Variants in TRIM41 observed in about 807,000 individuals in gnomAD.
The protein encoded by TRIM41 is E3 ubiquitin-protein ligase TRIM41.
A neutral mutation model predicts 60.6 loss-of-function variants in TRIM41; 21 were observed. That is an observed-to-expected ratio of 0.35 (90% CI 0.25 to 0.50). TRIM41 has a LOEUF of 0.50. Ranked by LOEUF, TRIM41 falls within the 20% of genes least tolerant of loss-of-function variation. The pLI is 0.98. For missense variants in TRIM41, 846 were observed against 868.3 expected, an observed-to-expected ratio of 0.97 and a Z score of 0.32; for synonymous variants, 407 against 344.9, an observed-to-expected ratio of 1.18 and a Z score of -2.00.
At position 181,235,542 on chromosome 5, in the gene TRIM41, C is replaced by A; in HGVS notation, c.*767C>A. ...CACCCCTCCCAGGTCTGCTCACTGCCAGGCTCCTCTCCCCTTTGTTCAGTG... is the reference window on the plus strand; with the variant it reads ...CACCCCTCCCAGGTCTGCTCACTGCAAGGCTCCTCTCCCCTTTGTTCAGTG... On this transcript the variant is annotated 3_prime_UTR_variant, in exon 6 of 6. Coordinates refer to ENST00000315073, the MANE Select transcript of TRIM41 (RefSeq NM_033549.5). 2.9e-6 allele frequency: 3 copies of A among 1,045,120 alleles called. No homozygotes were observed. Among genetic ancestry groups the A allele is most frequent in the Non-Finnish European group, 4.2e-6 (3 of 711,378 alleles). 64.7% of individuals were successfully genotyped at this position (1,045,120 alleles called of 1,614,324 possible). A position where few individuals can be genotyped will look rare whatever the true frequency, so the allele number is the denominator to read the frequency against.
chr5:181,224,657 C>T lies in TRIM41; in HGVS notation c.658C>T (p.Arg220Cys), dbSNP rs369184821. 3 of 1,614,218 alleles carry T rather than the reference C, an allele frequency of 1.9e-6. No individual in the cohort carries two copies. The highest frequency in any genetic ancestry group is 1.1e-5 in the South Asian group (1 of 91,082). The change falls in exon 1 of 6, where the codon CGC (arginine) becomes TGC (cysteine). Residue 220 changes from arginine to cysteine, a missense_variant. By Grantham distance (180) the Arg-to-Cys change is radical. Coordinates refer to ENST00000315073, the MANE Select transcript of TRIM41 (RefSeq NM_033549.5). ...QMHPTPGRGSRVTDQGICPKH... is the reference protein window; with the variant it reads ...QMHPTPGRGSCVTDQGICPKH... ...GCACCCAACCCCTGGTCGAGGGAGC[C>T]GCGTGACCGATCAGGGCATCTGTCC...
chr5:181,224,492 C>G lies in TRIM41; in HGVS notation c.493C>G (p.Leu165Val), dbSNP rs1561666858. The change falls in exon 1 of 6, where the codon CTA becomes GTA. Residue 165 changes from leucine (L) to valine (V), a missense_variant. Coordinates refer to ENST00000315073, the MANE Select transcript of TRIM41 (RefSeq NM_033549.5). Reference sequence around the variant, plus strand: ...GCTGGAGGAGGTTGAGGAAGAGGATCTAGACCCCGTCACCCCACTGCCCCC... The same window carrying G: ...GCTGGAGGAGGTTGAGGAAGAGGATGTAGACCCCGTCACCCCACTGCCCCC... ...EVLEEVEEED[L>V]DPVTPLPPPP... The G allele has an allele frequency of 1.2e-6, 2 of 1,613,042 alleles. No individual in the cohort carries two copies. Among genetic ancestry groups the G allele is most frequent in the African/African-American group, 1.3e-5 (1 of 75,006 alleles).
At position 181,223,672 on chromosome 5, in the gene TRIM41, TA is replaced by T; in HGVS notation, c.-327del. 1 of 483,046 alleles carries T rather than the reference TA, an allele frequency of 2.1e-6. No homozygotes were observed. Among genetic ancestry groups the T allele is most frequent in the Non-Finnish European group, 3.6e-6 (1 of 274,204 alleles). The allele number at this position is 483,046 out of a possible 1,614,324, so 29.9% of individuals were successfully genotyped here. A position where few individuals can be genotyped will look rare whatever the true frequency, so the allele number is the denominator to read the frequency against. On this transcript the variant is annotated 5_prime_UTR_variant, in exon 1 of 6. Transcript: ENST00000315073. Reference sequence around the variant, plus strand: ...AAGTGTTGGGAAGGAGGCCGGAAGCTAGGGGCGGGGCCAGGAAGTGAGGAGG... The same window carrying T: ...AAGTGTTGGGAAGGAGGCCGGAAGCTGGGGCGGGGCCAGGAAGTGAGGAGG...
chr5:181,225,828 C>A (rs1009442989), intron 1 of TRIM41: 2 of 152,244 alleles, frequency 1.3e-5, no homozygotes, highest in Admixed American at 1.3e-4. Context: ...GCAGCCAGCA[C>A]AAATAGCACT....
intron 2 of TRIM41, 69 bp downstream of exon 2, chr5:181,230,908 C>A: frequency 7.1e-7 from 1 of 1,416,226 alleles, no homozygotes; most frequent in South Asian, 1.2e-5. Flanking sequence ...GCTTCCCACT[C>A]TCACAGGGAG....
chr5:181,232,590 G>A (rs1758850917), intron 2 of TRIM41, 69 bp from the exon 3 acceptor site: 2 of 1,470,308 alleles, frequency 1.4e-6, no homozygotes, highest in Admixed American at 2.1e-5. Context: ...AGAAGTAGTA[G>A]TTGCAAAACT....
At position 181,234,156 on chromosome 5, in the gene TRIM41, TCCTC is replaced by T. The variant is rs753663590; in HGVS notation, c.1292-7_1292-4del. Reference sequence around the variant, plus strand: ...AGCCGTTCCAGCCCTGGCGTATTTGTCCTCCCTCCCTCCCAAGTGGACCTGACGC... The same window carrying T: ...AGCCGTTCCAGCCCTGGCGTATTTGTCCTCCCTCCCAAGTGGACCTGACGC... On this transcript the variant is annotated splice_polypyrimidine_tract_variant and intron_variant, in intron 5 of 5. Coordinates refer to ENST00000315073, the MANE Select transcript of TRIM41 (RefSeq NM_033549.5). This position sits in a 1 kb window ranked among gnomAD's most constrained non-coding sequence, Gnocchi z 5.6. 8.7e-6 allele frequency: 14 copies of T among 1,606,220 alleles called. No individual in the cohort carries two copies. Among genetic ancestry groups the T allele is most frequent in the South Asian group, 2.2e-5 (2 of 91,084 alleles).
Position 181,234,365 on chromosome 5 carries a change from C to A in TRIM41, c.1483C>A (p.Arg495=). 1 of 1,575,800 alleles carries A rather than the reference C, an allele frequency of 6.3e-7. No individual in the cohort carries two copies. The highest frequency in any genetic ancestry group is 1.1e-5 in the South Asian group (1 of 86,984). ...RHYWEVEVGG[R]RGWAVGAARE... is the part of the protein sequence containing the mutation. ...CTACTGGGAGGTAGAGGTGGGCGGG[C>A]GGCGGGGCTGGGCGGTGGGTGCTGC... The change falls in exon 6 of 6, where the codon CGG becomes AGG. Residue 495 remains arginine, a synonymous_variant. Transcript: ENST00000315073. This position sits in a 1 kb window ranked among gnomAD's most constrained non-coding sequence, Gnocchi z 5.6.
intron 1 of TRIM41, chr5:181,229,035 T>G (rs555204473): frequency 6.6e-6 from 1 of 151,690 alleles, no homozygotes; most frequent in South Asian, 2.1e-4. Context: ...GAAAGTTATA[T>G]CAGAAGGCCA....
In TRIM41 at chr5:181,230,834, C is replaced by A; in HGVS notation, c.904C>A (p.Leu302Met). ...CAAGGAGGAGAGGCGAGTGACAGAA[C>A]TGAAGGTGGGTGAATGTTCTCGACG... Reference protein sequence around the residue: ...KAKEERRVTELKSQMKSELAA... With the variant: ...KAKEERRVTEMKSQMKSELAA... Residue 302 changes from leucine (L) to methionine (M), a missense_variant, in exon 2 of 6, where the codon CTG becomes ATG. Coordinates refer to ENST00000315073, the MANE Select transcript of TRIM41 (RefSeq NM_033549.5). The A allele has an allele frequency of 1.2e-6, 2 of 1,612,490 alleles. No individual in the cohort carries two copies. The highest frequency in any genetic ancestry group is 1.7e-6 in the Non-Finnish European group (2 of 1,178,922).
In TRIM41 at chr5:181,224,188, GGAGGAGGAGGACGGA is replaced by G; in HGVS notation, c.201_215del (p.Asp67_Glu71del). 3.1e-6 allele frequency: 5 copies of G among 1,613,490 alleles called. No individual in the cohort carries two copies. The Middle Eastern group carries it at 5.0e-4, about 160-fold the overall frequency. On this transcript the variant is annotated inframe_deletion, in exon 1 of 6. Transcript: ENST00000315073. ...ACAGAGATGAGTTAGATCGGGAGGAGGAGGAGGAGGACGGAGAGGAGGAGGAAGTGGAGGCTGTGG... is the reference window on the plus strand; with the variant it reads ...ACAGAGATGAGTTAGATCGGGAGGAGGAGGAGGAGGAAGTGGAGGCTGTGG...
chr5:181,228,271 T>A (rs947889395), intron 1 of TRIM41: 1 of 151,954 alleles, frequency 6.6e-6, no homozygotes, highest in Non-Finnish European at 1.5e-5. Context: ...GAATTTCTCT[T>A]ATAACTGGCT....
chr5:181,233,353 C>A lies in TRIM41; in HGVS notation c.1141-60C>A. 6.4e-7 allele frequency: 1 copy of A among 1,550,410 alleles called. No individual in the cohort carries two copies. The highest frequency in any genetic ancestry group is 8.9e-7 in the Non-Finnish European group (1 of 1,124,474). The stretch of plus-strand genomic sequence containing the variant: ...GAGATCGGGGAACGCTGTCCCTGTG[C>A]AGCTGACACTCTCTTTATCTCTTTC... On this transcript the variant is annotated intron_variant, in intron 3 of 5. Coordinates refer to ENST00000315073, the MANE Select transcript of TRIM41 (RefSeq NM_033549.5). This position sits in a 1 kb window ranked among gnomAD's most constrained non-coding sequence, Gnocchi z 4.1.
In TRIM41 at chr5:181,223,960, C is replaced by T. The variant is rs755988906; in HGVS notation, c.-40C>T. The T allele has an allele frequency of 6.5e-6, 10 of 1,547,354 alleles. No individual in the cohort carries two copies. In the East Asian group the frequency reaches 1.6e-4, roughly 25 times the overall value. On this transcript the variant is annotated 5_prime_UTR_variant, in exon 1 of 6. Coordinates refer to ENST00000315073, the MANE Select transcript of TRIM41 (RefSeq NM_033549.5). ...GGTAGGGAAGACCCCCGCCCCTCGCCCCCCCACCGAACCTCTACACTGGCT... is the reference window on the plus strand; with the variant it reads ...GGTAGGGAAGACCCCCGCCCCTCGCTCCCCCACCGAACCTCTACACTGGCT...
In TRIM41 at chr5:181,223,696, A is replaced by G; in HGVS notation, c.-304A>G. 1 of 480,816 alleles carries G rather than the reference A, an allele frequency of 2.1e-6. No homozygotes were observed. 29.8% of individuals were successfully genotyped at this position (480,816 alleles called of 1,614,324 possible). A position where few individuals can be genotyped will look rare whatever the true frequency, so the allele number is the denominator to read the frequency against. ...CTAGGGGCGGGGCCAGGAAGTGAGG[A>G]GGGGCGGGGGTTTATGAGGAGTCCA... On this transcript the variant is annotated 5_prime_UTR_variant, in exon 1 of 6. Transcript: ENST00000315073.
In TRIM41 at chr5:181,233,694, C is replaced by G. The variant is rs768825112; in HGVS notation, c.1222C>G (p.His408Asp). The G allele has an allele frequency of 4.6e-5, 74 of 1,614,138 alleles. No individual in the cohort carries two copies. The highest frequency in any genetic ancestry group is 6.2e-5 in the Non-Finnish European group (73 of 1,180,058). Reference protein sequence around the residue: ...EVWSPDPCQPHSHDFLTDAIV... With the variant: ...EVWSPDPCQPDSHDFLTDAIV... Reference sequence around the variant, plus strand: ...CTGGTCCCCTGACCCGTGCCAACCCCATAGCCATGACTTCCTGACAGATGC... The same window carrying G: ...CTGGTCCCCTGACCCGTGCCAACCCGATAGCCATGACTTCCTGACAGATGC... The change falls in exon 5 of 6, where the codon CAT becomes GAT. Residue 408 changes from histidine to aspartate, a missense_variant. Transcript: ENST00000315073. This position sits in a 1 kb window ranked among gnomAD's most constrained non-coding sequence, Gnocchi z 4.1.
chr5:181,227,176 C>G (rs772270947), intron 1 of TRIM41: 11 of 151,316 alleles, frequency 7.3e-5, no homozygotes, highest in Non-Finnish European at 1.3e-4. Context: ...CCTGGCCATA[C>G]TCTCTTTTCT....
In TRIM41 at chr5:181,234,683, G is replaced by A. The variant is rs200846372; in HGVS notation, c.1801G>A (p.Val601Met). 3.0e-5 allele frequency: 48 copies of A among 1,614,202 alleles called. No homozygotes were observed. Among genetic ancestry groups the A allele is most frequent in the Admixed American group, 2.5e-4 (15 of 60,024 alleles). Residue 601 changes from valine to methionine, a missense_variant, in exon 6 of 6, where the codon GTG becomes ATG. Physicochemically the swap from Val to Met is conservative, Grantham distance 21. Transcript: ENST00000315073. The surrounding 1 kb of genome is among the most constrained non-coding windows in gnomAD (Gnocchi z 5.6). The part of the protein sequence containing the change: ...GFYNAETLAH[V>M]HTFSAAFLGE... ...CTACAACGCAGAGACTCTAGCCCAC[G>A]TGCACACCTTCTCGGCTGCCTTCCT...
chr5:181,234,103 C>A lies in TRIM41; in HGVS notation c.1292-71C>A. 1.9e-6 allele frequency: 3 copies of A among 1,598,706 alleles called. No individual in the cohort carries two copies. The highest frequency in any genetic ancestry group is 1.1e-5 in the South Asian group (1 of 90,996). On this transcript the variant is annotated intron_variant, in intron 5 of 5. Coordinates refer to ENST00000315073, the MANE Select transcript of TRIM41 (RefSeq NM_033549.5). The surrounding 1 kb of genome is among the most constrained non-coding windows in gnomAD (Gnocchi z 5.6). ...GATTCAGGGAGAAAGGGGGCCCAAT[C>A]TGTGGAGTTGGCTGCTGACAGGGGA...
Sources: allele counts gnomAD v4.1 joint callset, GRCh38; gene constraint gnomAD v4.1.1; non-coding constraint Gnocchi (gnomAD v3.1); transcripts MANE v1.5; gene names NCBI Gene and HGNC (gene_info 2026-07-23, HGNC 2026-07-21).